PARD3B: variants seen among roughly 807,000 people sequenced by gnomAD.
The protein encoded by PARD3B is par-3 family cell polarity regulator beta, also known as partitioning defective 3 homolog B.
PARD3B carries 103 observed loss-of-function variants against 130.2 expected under a neutral mutation model. That is an observed-to-expected ratio of 0.79 (90% CI 0.67 to 0.93). The LOEUF is 0.93. PARD3B is among the 40% of genes least tolerant of loss of function. PARD3B has a pLI of 0.00. For missense variants in PARD3B, 1,609 were observed against 1,499.2 expected (o/e 1.07, Z -1.21); for synonymous variants, 583 against 553.2 (o/e 1.05, Z -0.76).
At chr2:204,695,286 C>T (rs2037557616) in intron 2 of PARD3B, among the ~76,000 whole-genome samples, 1 of 151,696 alleles carries the variant, frequency 6.6e-6, no homozygotes, top group African/African-American at 2.4e-5. Flanking sequence ...TGTTTTTTTA[C>T]TTATGTAACT....
intron 19 of PARD3B, among the ~76,000 whole-genome samples, chr2:205,434,435 A>T (rs2047440417): frequency 6.6e-6 from 1 of 152,196 alleles, no homozygotes; most frequent in African/African-American, 2.4e-5. Context: ...TGACGCATTC[A>T]AGGAGCCCGT....
At chr2:205,555,259 CTCAT>C (rs1443919662) in intron 22 of PARD3B, among the ~76,000 whole-genome samples, 1 of 152,112 alleles carries the variant, frequency 6.6e-6, no homozygotes, top group Admixed American at 6.5e-5. Flanking sequence ...ATAAATTTCA[CTCAT>C]TCATTCATTC....
intron 19 of PARD3B, among the ~76,000 whole-genome samples, chr2:205,406,333 A>G (rs549806242): frequency 6.6e-6 from 1 of 152,314 alleles, no homozygotes; most frequent in South Asian, 2.1e-4. Context: ...ATGGAGCATT[A>G]TTTTAAGAGA....
At chr2:205,492,056 A>G (rs1056697583) in intron 20 of PARD3B, among the ~76,000 whole-genome samples, 2 of 152,174 alleles carry the variant, frequency 1.3e-5, no homozygotes, top group Non-Finnish European at 2.9e-5. Context: ...TGACATAAGG[A>G]TGAGTAATTT....
chr2:204,687,331 G>C (rs754362347), intron 2 of PARD3B, among the ~76,000 whole-genome samples: 10 of 152,012 alleles, frequency 6.6e-5, no homozygotes, highest in Middle Eastern at 3.4e-3. Context: ...TGTTATTAGC[G>C]ATTTTATAGT....
intron 18 of PARD3B, among the ~76,000 whole-genome samples, chr2:205,340,466 A>T (rs915931556): frequency 6.6e-5 from 10 of 152,096 alleles, no homozygotes; most frequent in Non-Finnish European, 1.5e-4. Flanking sequence ...CAGCCAACTG[A>T]TTTTCAACAA....
chr2:204,707,259 T>C, intron 2 of PARD3B, among the ~76,000 whole-genome samples: 1 of 152,278 alleles, frequency 6.6e-6, no homozygotes, highest in East Asian at 1.9e-4. Flanking sequence ...TTTATTATGG[T>C]GGTGGTACTA....
chr2:204,587,520 T>A (rs759761128), intron 1 of PARD3B, among the ~76,000 whole-genome samples: 7 of 152,208 alleles, frequency 4.6e-5, no homozygotes, highest in Non-Finnish European at 8.8e-5. Context: ...GACATTTAAA[T>A]ACAAGAAGTA....
At chr2:204,860,288 G>A (rs1459903131) in intron 2 of PARD3B, among the ~76,000 whole-genome samples, 1 of 152,160 alleles carries the variant, frequency 6.6e-6, no homozygotes, top group Non-Finnish European at 1.5e-5. Flanking sequence ...CAGTCAGCTA[G>A]AGGAGAGTGT....
rs529410143 is a variant in PARD3B, at chr2:205,325,738, A to G, written c.2630+24037A>G. 6.6e-6 allele frequency among the ~76,000 whole-genome samples: 1 copy of G among 152,302 alleles called. No homozygotes were observed. Among genetic ancestry groups the G allele is most frequent in the Non-Finnish European group, 1.5e-5 (1 of 68,024 alleles). ...ATTAGACATCCTATCTAGTAATAAGATAAGTAATTTTACTGGTGTCACTTT... is the reference window on the plus strand; with the variant it reads ...ATTAGACATCCTATCTAGTAATAAGGTAAGTAATTTTACTGGTGTCACTTT... On this transcript the variant is annotated intron_variant, in intron 18 of 22. Transcript: ENST00000406610. The surrounding 1 kb of genome is among the most constrained non-coding windows in gnomAD (Gnocchi z 4.1).
At chr2:205,608,114 A>G (rs2055083575) in intron 22 of PARD3B, among the ~76,000 whole-genome samples, 1 of 152,168 alleles carries the variant, frequency 6.6e-6, no homozygotes, top group South Asian at 2.1e-4. Flanking sequence ...AATCTAAAAT[A>G]GTTAGGGAAA....
At chr2:204,732,108 T>C (rs116363166) in intron 2 of PARD3B, among the ~76,000 whole-genome samples, 4,250 of 151,078 alleles carry the variant, frequency 0.028, 193 homozygotes, top group African/African-American at 0.098. Flanking sequence ...TATAAAAAAG[T>C]GAAAGTGTGT....
rs1251857162 is a variant in PARD3B, at chr2:205,564,965, C to G, written c.3260+11562C>G. Among the ~76,000 whole-genome samples the G allele has an allele frequency of 6.6e-6, 1 of 152,126 alleles. No individual in the cohort carries two copies. Among genetic ancestry groups the G allele is most frequent in the Non-Finnish European group, 1.5e-5 (1 of 68,030 alleles). On this transcript the variant is annotated intron_variant, in intron 22 of 22. Coordinates refer to ENST00000406610, the MANE Select transcript of PARD3B (RefSeq NM_001302769.2). The surrounding 1 kb of genome is among the most constrained non-coding windows in gnomAD (Gnocchi z 4.6). ...TGCAATCAGAACTGACCCTTATGGC[C>G]GAACATGGAATGACATGTTAAATAG...
At chr2:204,613,416 T>G (rs1240719182) in intron 1 of PARD3B, among the ~76,000 whole-genome samples, 1 of 152,186 alleles carries the variant, frequency 6.6e-6, no homozygotes, top group Non-Finnish European at 1.5e-5. Context: ...TTTATTGTCC[T>G]GTGCACTTTG....
chr2:204,560,755 T>A (rs554199489), intron 1 of PARD3B, among the ~76,000 whole-genome samples: 1 of 152,158 alleles, frequency 6.6e-6, no homozygotes, highest in Non-Finnish European at 1.5e-5. Context: ...TGGGGCAGGA[T>A]GGAGATATTG....
intron 3 of PARD3B, among the ~76,000 whole-genome samples, chr2:204,970,921 G>A (rs1456625464): frequency 6.6e-6 from 1 of 152,118 alleles, no homozygotes; most frequent in African/African-American, 2.4e-5. Context: ...AAAGCTGAAA[G>A]GTGCCTCAGA....
At chr2:204,733,214 T>C (rs1457643377) in intron 2 of PARD3B, among the ~76,000 whole-genome samples, 2 of 152,120 alleles carry the variant, frequency 1.3e-5, no homozygotes, top group African/African-American at 2.4e-5. Flanking sequence ...ATAAAAGCCA[T>C]TGAGTAAGTG....
chr2:204,845,372 GTTA>G (rs2044418574), intron 2 of PARD3B, among the ~76,000 whole-genome samples: 1 of 152,104 alleles, frequency 6.6e-6, no homozygotes, highest in South Asian at 2.1e-4. Context: ...GGTATAATTT[GTTA>G]TTTTTAATAA....
At chr2:205,308,569 T>C (rs2042264261) in intron 18 of PARD3B, among the ~76,000 whole-genome samples, 1 of 137,172 alleles carries the variant, frequency 7.3e-6, no homozygotes, top group African/African-American at 2.6e-5. Flanking sequence ...ATAGCACCAC[T>C]GCACTCTAGC....
Sources: gnomAD v4.1 joint callset for allele counts (sites outside exome capture counted in the v4.1 genomes callset) on GRCh38, gnomAD v4.1.1 for gene constraint, Gnocchi (gnomAD v3.1) non-coding constraint, MANE v1.5 for transcripts, NCBI Gene and HGNC (gene_info 2026-07-23, HGNC 2026-07-21) for gene names.